PTPRD: variants seen among roughly 807,000 people sequenced by gnomAD.
PTPRD encodes the protein protein tyrosine phosphatase receptor type D, also known as receptor-type tyrosine-protein phosphatase delta.
Under a neutral mutation model 214.5 loss-of-function variants are expected in PTPRD, and 34 were observed. That is an observed-to-expected ratio of 0.16 (90% CI 0.12 to 0.21). The LOEUF (loss-of-function observed/expected upper bound fraction) is 0.21, where lower values mean the gene tolerates loss of function less well. PTPRD is among the 10% of genes least tolerant of loss of function. The pLI, the probability that PTPRD is intolerant of heterozygous loss-of-function variation, is 1.00. For missense variants in PTPRD, 2,545 were observed against 2,398.7 expected (o/e 1.06, Z -1.27); for synonymous variants, 1,128 against 845.7 (o/e 1.33, Z -5.79).
intron 3 of PTPRD, among the ~76,000 whole-genome samples, chr9:10,224,619 A>C (rs1006443586): frequency 6.6e-6 from 1 of 152,002 alleles, no homozygotes; most frequent in Non-Finnish European, 1.5e-5. Context: ...TTTAAGTATA[A>C]TATTGATAGT....
chr9:9,521,277 T>A (rs2096965289), intron 8 of PTPRD, among the ~76,000 whole-genome samples: 1 of 152,118 alleles, frequency 6.6e-6, no homozygotes, highest in African/African-American at 2.4e-5. Context: ...TAGCTCTCAA[T>A]TTCGTGGTCT....
rs71317371 is a variant in PTPRD at position 8,576,631 on chromosome 9, CAAA to C, written c.353-47855_353-47853del. On this transcript the variant is annotated intron_variant, in intron 14 of 45. Transcript: ENST00000381196. Reference sequence around the variant, plus strand: ...TTGATCTACAGCAAGGCTAATGCAGCAAAAAAAAAAAAAAAAAAATCCATATTT... The same window carrying C: ...TTGATCTACAGCAAGGCTAATGCAGCAAAAAAAAAAAAAAAATCCATATTT... 1.1e-3 allele frequency among the ~76,000 whole-genome samples: 128 copies of C among 115,982 alleles called. 1 individual carries two copies. Among genetic ancestry groups the C allele is most frequent in the African/African-American group, 3.6e-3 (115 of 31,926 alleles). 76.1% of individuals were successfully genotyped at this position (115,982 alleles called of 152,430 possible).
intron 2 of PTPRD, among the ~76,000 whole-genome samples, chr9:10,524,138 C>A (rs1404450898): frequency 6.6e-6 from 1 of 151,934 alleles, no homozygotes; most frequent in African/African-American, 2.4e-5. Flanking sequence ...GCCACCGATC[C>A]TATAGAAAGG....
intron 8 of PTPRD, among the ~76,000 whole-genome samples, chr9:9,506,679 T>C (rs1409769977): frequency 6.6e-6 from 1 of 151,400 alleles, no homozygotes; most frequent in African/African-American, 2.4e-5. Flanking sequence ...TAGACTAACC[T>C]AGATAGAAGT....
chr9:9,631,440 A>C (rs1444852807), intron 7 of PTPRD, among the ~76,000 whole-genome samples: 2 of 152,160 alleles, frequency 1.3e-5, no homozygotes, highest in Non-Finnish European at 2.9e-5. Context: ...AATTTGACTC[A>C]TTTGGGTAAA....
intron 2 of PTPRD, among the ~76,000 whole-genome samples, chr9:10,596,270 C>A (rs1269250103): frequency 1.3e-5 from 2 of 151,608 alleles, no homozygotes; most frequent in African/African-American, 4.8e-5. Flanking sequence ...ACAGAACTTA[C>A]ATTGAACACA....
chr9:9,135,650 C>T (rs1171502101), intron 10 of PTPRD, among the ~76,000 whole-genome samples: 1 of 152,068 alleles, frequency 6.6e-6, no homozygotes, highest in Admixed American at 6.5e-5. Context: ...CTTAGTAATT[C>T]ATTAATCCAA....
chr9:8,919,061 C>T (rs2098806863), intron 11 of PTPRD, among the ~76,000 whole-genome samples: 2 of 152,138 alleles, frequency 1.3e-5, no homozygotes, highest in Admixed American at 6.6e-5. Flanking sequence ...CTTTATTATG[C>T]TCTTCTCTAT....
chr9:9,318,428 C>A (rs1252045972), intron 9 of PTPRD, among the ~76,000 whole-genome samples: 1 of 151,952 alleles, frequency 6.6e-6, no homozygotes, highest in African/African-American at 2.4e-5. Flanking sequence ...TTCTAAAATT[C>A]CAAGAAATGA....
At chr9:8,867,151 C>T (rs150785748) in intron 11 of PTPRD, among the ~76,000 whole-genome samples, 83 of 152,326 alleles carry the variant, frequency 5.4e-4, no homozygotes, top group African/African-American at 1.9e-3. Context: ...GACGGACACT[C>T]TTAATATCTC....
At chr9:10,174,519 C>T (rs899902861) in intron 3 of PTPRD, among the ~76,000 whole-genome samples, 3 of 152,076 alleles carry the variant, frequency 2.0e-5, no homozygotes, top group African/African-American at 7.2e-5. Context: ...ATAAATCACC[C>T]AGCTTCAGGT....
intron 4 of PTPRD, among the ~76,000 whole-genome samples, chr9:9,943,206 C>A (rs1415028974): frequency 6.6e-6 from 1 of 152,086 alleles, no homozygotes; most frequent in Non-Finnish European, 1.5e-5. Flanking sequence ...GTTAGATATC[C>A]TAATAGGCAG....
chr9:9,363,571 T>C (rs1207051600), intron 9 of PTPRD, among the ~76,000 whole-genome samples: 2 of 151,354 alleles, frequency 1.3e-5, no homozygotes, highest in Non-Finnish European at 3.0e-5. Context: ...GGCTCTCTGT[T>C]CAAACAAAAT....
chr9:10,508,454 C>T (rs1370612861), intron 2 of PTPRD, among the ~76,000 whole-genome samples: 2 of 152,018 alleles, frequency 1.3e-5, no homozygotes, highest in Non-Finnish European at 2.9e-5. Context: ...GGGTATATAC[C>T]CAAAGGATTA....
intron 7 of PTPRD, among the ~76,000 whole-genome samples, chr9:9,709,858 G>A (rs1313782556): frequency 1.3e-5 from 2 of 152,052 alleles, no homozygotes; most frequent in African/African-American, 4.8e-5. Flanking sequence ...GTATACGTAT[G>A]TATGAATATG....
chr9:9,848,016 T>A (rs772760725), intron 5 of PTPRD, among the ~76,000 whole-genome samples: 1 of 152,102 alleles, frequency 6.6e-6, no homozygotes, highest in Non-Finnish European at 1.5e-5. Flanking sequence ...ACAAGCAGCA[T>A]TGAAGACTTT....
chr9:8,633,606 A>T, intron 13 of PTPRD, 148 bp from the exon 14 acceptor site: 1 of 883,960 alleles, frequency 1.1e-6, no homozygotes, highest in Non-Finnish European at 1.7e-6. Context: ...TGGTGAAAAA[A>T]TATTTGGTCT....
chr9:8,772,544 G>A (rs2095276734), intron 11 of PTPRD, among the ~76,000 whole-genome samples: 1 of 152,028 alleles, frequency 6.6e-6, no homozygotes, highest in Non-Finnish European at 1.5e-5. Flanking sequence ...AGCTACTCAG[G>A]AGGCAGGAGG....
intron 5 of PTPRD, among the ~76,000 whole-genome samples, chr9:9,837,041 A>G (rs1215532037): frequency 6.6e-6 from 1 of 151,418 alleles, no homozygotes; most frequent in Non-Finnish European, 1.5e-5. Flanking sequence ...TTATAGGTGC[A>G]GAAATGAGGT....
Sources: gnomAD v4.1 joint callset for allele counts (sites outside exome capture counted in the v4.1 genomes callset) on GRCh38, gnomAD v4.1.1 for gene constraint, MANE v1.5 for transcripts, NCBI Gene and HGNC (gene_info 2026-07-23, HGNC 2026-07-21) for gene names.